Variants in TSC22D1 observed in about 807,000 individuals in gnomAD.
TSC22D1 encodes the protein TSC22 domain family protein 1.
A neutral mutation model predicts 74.2 loss-of-function variants in TSC22D1; 9 were observed. That is an observed-to-expected ratio of 0.12 (90% CI 0.07 to 0.21). The LOEUF (loss-of-function observed/expected upper bound fraction) is 0.21, where lower values mean the gene tolerates loss of function less well. Among genes scored for constraint, TSC22D1 ranks in the 10% least tolerant of loss-of-function variants. The pLI is 1.00. For missense variants in TSC22D1, 1,427 were observed against 1,304.7 expected (o/e 1.09, Z -1.44); for synonymous variants, 586 against 492.5 (o/e 1.19, Z -2.51).
At chr13:44,453,974 T>C (rs776806534) in intron 1 of TSC22D1, among the ~76,000 whole-genome samples, 24 of 152,206 alleles carry the variant, frequency 1.6e-4, no homozygotes, top group Non-Finnish European at 2.6e-4. Context: ...CCAAATTAAA[T>C]ACTACATATA....
In TSC22D1 at chr13:44,574,554, CTGTTGTTGT is replaced by C. The variant is rs541782956; in HGVS notation, c.1512_1520del (p.Gln507_Gln509del). 9 of 1,613,916 alleles carry C rather than the reference CTGTTGTTGT, an allele frequency of 5.6e-6. No homozygotes were observed. Among genetic ancestry groups the C allele is most frequent in the African/African-American group, 1.3e-5 (1 of 74,950 alleles). ...TCACACCTTGGAGAGCTGGTTGTTG[CTGTTGTTGT>C]TGTTGTTGCTGCTGCTGCTGCTGCA... On this transcript the variant is annotated inframe_deletion, in exon 1 of 3. Coordinates refer to ENST00000458659, the MANE Select transcript of TSC22D1 (RefSeq NM_183422.4).
At position 44,575,109 on chromosome 13, in the gene TSC22D1, A is replaced by G. The variant is rs753843526; in HGVS notation, c.966T>C (p.Gly322=). The G allele has an allele frequency of 1.2e-6, 2 of 1,614,092 alleles. No individual in the cohort carries two copies. The highest frequency in any genetic ancestry group is 1.3e-5 in the African/African-American group (1 of 74,944). ...TVNNVNITAV[G]SFNPNVTSSM... ...TGCTTGTCACATTAGGATTAAAACT[A>G]CCCACAGCAGTAATGTTAACATTAT... Residue 322 remains glycine (G), a synonymous_variant, in exon 1 of 3, where the codon GGT becomes GGC. Transcript: ENST00000458659.
chr13:44,537,564 G>A (rs1386209826), intron 1 of TSC22D1: 18 of 984,812 alleles, frequency 1.8e-5, no homozygotes, highest in Non-Finnish European at 2.2e-5. Flanking sequence ...ATCATTTTTA[G>A]TTCCTTCAGT....
chr13:44,434,159 C>T lies in TSC22D1; in HGVS notation c.*467G>A. ...TTGTACAGTGAACTCTGTTCCCCCT[C>T]ATTTTAGTCTTTTTACCCTCCTTTC... On this transcript the variant is annotated 3_prime_UTR_variant, in exon 3 of 3. Transcript: ENST00000458659. 6.8e-7 allele frequency: 1 copy of T among 1,480,574 alleles called. No individual in the cohort carries two copies. 91.7% of individuals were successfully genotyped at this position (1,480,574 alleles called of 1,614,324 possible).
chr13:44,442,914 C>A (rs1226177288), intron 1 of TSC22D1, among the ~76,000 whole-genome samples: 605 of 86,960 alleles, frequency 7.0e-3, no homozygotes, highest in South Asian at 0.01. Context: ...GAGACTCTGT[C>A]AAAAAAAAAA....
At position 44,520,163 on chromosome 13, in the gene TSC22D1, T is replaced by G. The variant is rs1042774517; in HGVS notation, c.2912+53000A>C. 2.0e-5 allele frequency among the ~76,000 whole-genome samples: 3 copies of G among 152,178 alleles called. No individual in the cohort carries two copies. The East Asian group carries it at 5.8e-4, about 29-fold the overall frequency. ...GGTATTGGTAGAAATGCCCAGAGAA[T>G]TGACACATGATAACCAAGGACCCTG... On this transcript the variant is annotated intron_variant, in intron 1 of 2. Transcript: ENST00000458659.
At chr13:44,504,211 C>T (rs1166261545) in intron 1 of TSC22D1, among the ~76,000 whole-genome samples, 1 of 151,360 alleles carries the variant, frequency 6.6e-6, no homozygotes, top group Non-Finnish European at 1.5e-5. Context: ...AATATTTCTT[C>T]CTTCCCCACC....
intron 1 of TSC22D1, among the ~76,000 whole-genome samples, chr13:44,521,972 G>A (rs886364479): frequency 6.6e-6 from 1 of 152,130 alleles, no homozygotes; most frequent in African/African-American, 2.4e-5. Flanking sequence ...TAGCAAACAA[G>A]ACAGACGTGA....
chr13:44,574,173 T>C lies in TSC22D1; in HGVS notation c.1902A>G (p.Pro634=). The change falls in exon 1 of 3, where the codon CCA becomes CCG. Residue 634 remains proline, a synonymous_variant. Transcript: ENST00000458659. ...PQQLQYGQQQ[P]MVSTQMAPGH... is the part of the protein sequence containing the mutation. ...CTGGGGCCATCTGTGTAGAAACCAT[T>C]GGTTGCTGTTGTCCATACTGTAACT... 1 of 1,614,248 alleles carries C rather than the reference T, an allele frequency of 6.2e-7. No homozygotes were observed. The highest frequency in any genetic ancestry group is 8.5e-7 in the Non-Finnish European group (1 of 1,180,046).
chr13:44,576,258 A>G lies in TSC22D1; in HGVS notation c.-184T>C. 4 of 858,814 alleles carry G rather than the reference A, an allele frequency of 4.7e-6. No homozygotes were observed. The highest frequency in any genetic ancestry group is 6.9e-6 in the Non-Finnish European group (4 of 579,786). 53.2% of individuals were successfully genotyped at this position (858,814 alleles called of 1,614,324 possible). A position where few individuals can be genotyped will look rare whatever the true frequency, so the allele number is the denominator to read the frequency against. ...CCTTCGAGAGCGAGCTTCGGAAAGG[A>G]GGATGAACGAGGGTGAACAGGGCGG... On this transcript the variant is annotated 5_prime_UTR_variant, in exon 1 of 3. Coordinates refer to ENST00000458659, the MANE Select transcript of TSC22D1 (RefSeq NM_183422.4).
chr13:44,464,640 G>C (rs1205204443), intron 1 of TSC22D1, among the ~76,000 whole-genome samples: 1 of 152,188 alleles, frequency 6.6e-6, no homozygotes, highest in Non-Finnish European at 1.5e-5. Flanking sequence ...CTTCACAAGA[G>C]CACTCAGTAC....
At position 44,574,674 on chromosome 13, in the gene TSC22D1, C is replaced by T. The variant is rs201751268; in HGVS notation, c.1401G>A (p.Gly467=). Residue 467 remains glycine, a synonymous_variant, in exon 1 of 3, where the codon GGG becomes GGA. Coordinates refer to ENST00000458659, the MANE Select transcript of TSC22D1 (RefSeq NM_183422.4). ...EVTSERESTS[G]SSVSSSVSTL... ...TGCTGACACTACTGCTCACTGAACT[C>T]CCACTAGTGCTCTCCCTTTCAGAAG... The T allele has an allele frequency of 1.9e-6, 3 of 1,614,116 alleles. No homozygotes were observed. The East Asian group carries it at 6.7e-5, about 36-fold the overall frequency.
At position 44,456,508 on chromosome 13, in the gene TSC22D1, C is replaced by T. The variant is rs1329702621; in HGVS notation, c.2913-20413G>A. ...GCTAGACACAGAGCACTGATTGGTG[C>T]GTTTCCAATCCTTTACCTAGACAGA... is the stretch of plus-strand genomic sequence containing the variant. On this transcript the variant is annotated intron_variant, in intron 1 of 2. Coordinates refer to ENST00000458659, the MANE Select transcript of TSC22D1 (RefSeq NM_183422.4). Among the ~76,000 whole-genome samples, 8 of 152,272 alleles carry T rather than the reference C, an allele frequency of 5.3e-5. 1 individual carries two copies. Among genetic ancestry groups the T allele is most frequent in the African/African-American group, 1.9e-4 (8 of 41,558 alleles).
chr13:44,478,498 A>G (rs918189844), intron 1 of TSC22D1, among the ~76,000 whole-genome samples: 11 of 152,182 alleles, frequency 7.2e-5, no homozygotes, highest in Non-Finnish European at 2.9e-5. Context: ...GCCAGAGTGT[A>G]TATGCTTTAT....
Position 44,510,537 on chromosome 13 carries a change from AAAATG to A in TSC22D1, c.2912+62621_2912+62625del, listed in dbSNP as rs1328873002. On this transcript the variant is annotated intron_variant, in intron 1 of 2. Transcript: ENST00000458659. ...ACAGCACTATTTATAAATATAGTAG[AAAATG>A]AAATGAACATCAGGCAATAAGAATA... 5.9e-5 allele frequency among the ~76,000 whole-genome samples: 9 copies of A among 152,234 alleles called. No homozygotes were observed. The East Asian group carries it at 1.7e-3, about 29-fold the overall frequency.
At chr13:44,568,898 G>C (rs1883559059) in intron 1 of TSC22D1, among the ~76,000 whole-genome samples, 1 of 152,058 alleles carries the variant, frequency 6.6e-6, no homozygotes, top group Non-Finnish European at 1.5e-5. Flanking sequence ...ACAAAACACT[G>C]TACAGGATAG....
rs143966680 is a variant in TSC22D1 at position 44,575,465 on chromosome 13, G to A, written c.610C>T (p.Leu204Phe). 1 of 1,614,116 alleles carries A rather than the reference G, an allele frequency of 6.2e-7. No individual in the cohort carries two copies. Among genetic ancestry groups the A allele is most frequent in the Non-Finnish European group, 8.5e-7 (1 of 1,180,028 alleles). The change falls in exon 1 of 3, where the codon CTT becomes TTT. Residue 204 changes from leucine to phenylalanine, a missense_variant. Leu to Phe is a conservative substitution (Grantham distance 22). Around this residue, in one of 3 missense-constraint regions of TSC22D1, gnomAD observed 1,343 missense variants for 1,191.5 expected, o/e 1.13. Coordinates refer to ENST00000458659, the MANE Select transcript of TSC22D1 (RefSeq NM_183422.4). ...PHLPQPHLPH[L>F]PQQNVVINGN... ...TTGATCACAACATTCTGTTGTGGAA[G>A]GTGAGGCAAATGAGGCTGAGGAAGG...
At chr13:44,483,927 T>G (rs763834175) in intron 1 of TSC22D1, among the ~76,000 whole-genome samples, 4 of 152,232 alleles carry the variant, frequency 2.6e-5, no homozygotes, top group Non-Finnish European at 5.9e-5. Context: ...ATGGTCCATT[T>G]AGCCTTCTAG....
intron 1 of TSC22D1, among the ~76,000 whole-genome samples, chr13:44,508,942 CAT>C (rs939406200): frequency 9.2e-5 from 14 of 152,258 alleles, no homozygotes; most frequent in African/African-American, 2.2e-4. Flanking sequence ...ATAAAAAGCA[CAT>C]GAGGCCCCAT....
Sources: allele counts gnomAD v4.1 joint callset (sites outside exome capture counted in the v4.1 genomes callset), GRCh38; gene constraint gnomAD v4.1.1; regional missense constraint gnomAD v4.1.1; transcripts MANE v1.5; gene names NCBI Gene and HGNC (gene_info 2026-07-23, HGNC 2026-07-21).